The following HRC variants were observed in gnomAD, a reference collection of about 807,000 sequenced individuals.
HRC encodes histidine rich calcium binding protein.
In HRC, 41 loss-of-function variants were observed where a neutral mutation model predicts 61.4. The observed-to-expected ratio is 0.67, with a 90% confidence interval of 0.52 to 0.87. The LOEUF (loss-of-function observed/expected upper bound fraction) is 0.87. Ranked by LOEUF, HRC falls within the 40% of genes least tolerant of loss-of-function variation. The pLI, the probability that HRC is intolerant of heterozygous loss-of-function variation, is 0.00. For missense variants in HRC, 839 were observed against 885.8 expected (o/e 0.95, Z 0.67); for synonymous variants, 308 against 326.6 (o/e 0.94, Z 0.62).
Position 49,155,099 on chromosome 19 carries a change from C to A in HRC, c.139G>T (p.Ala47Ser). ...GCTGATGCCTCCTCGGAGAGCCCGGCGACTCCAGTGCTGTTGTTCCGGTTT... is the reference window on the plus strand; with the variant it reads ...GCTGATGCCTCCTCGGAGAGCCCGGAGACTCCAGTGCTGTTGTTCCGGTTT... Reference protein sequence around the residue: ...FRNRNNSTGVAGLSEEASAEL... With the variant: ...FRNRNNSTGVSGLSEEASAEL... The change falls in exon 1 of 6, where the codon GCC becomes TCC. Residue 47 changes from alanine to serine, a missense_variant. Physicochemically the swap from Ala to Ser is moderately conservative, Grantham distance 99. Coordinates refer to ENST00000252825, the MANE Select transcript of HRC (RefSeq NM_002152.3). This position sits in a 1 kb window ranked among gnomAD's most constrained non-coding sequence, Gnocchi z 4.7. The A allele has an allele frequency of 6.2e-7, 1 of 1,614,140 alleles. No homozygotes were observed. The highest frequency in any genetic ancestry group is 8.5e-7 in the Non-Finnish European group (1 of 1,180,030).
intron 4 of HRC, 55 bp from the exon 5 acceptor site, chr19:49,151,608 C>T (rs1478569366): frequency 4.0e-6 from 6 of 1,506,282 alleles, no homozygotes; most frequent in African/African-American, 1.4e-5. Context: ...CAAAATTAGG[C>T]AGCCACTCAG....
rs746180918 is a variant in HRC, at chr19:49,155,010, T to C, written c.228A>G (p.Thr76=). Reference sequence around the variant, plus strand: ...GGCTCCAGAAATGATGCCCATTCTCTGTGGAAACATCCTTGTTCTCATCTG... The same window carrying C: ...GGCTCCAGAAATGATGCCCATTCTCCGTGGAAACATCCTTGTTCTCATCTG... ...DHPDENKDVS[T]ENGHHFWSHP... is the part of the protein sequence containing the mutation. The change falls in exon 1 of 6, where the codon ACA becomes ACG. Residue 76 remains threonine, a synonymous_variant. Transcript: ENST00000252825. This position sits in a 1 kb window ranked among gnomAD's most constrained non-coding sequence, Gnocchi z 4.7. The C allele has an allele frequency of 6.2e-7, 1 of 1,614,256 alleles. No individual in the cohort carries two copies. The highest frequency in any genetic ancestry group is 1.1e-5 in the South Asian group (1 of 91,090).
chr19:49,152,122 G>A, intron 3 of HRC, 64 bp from the exon 4 acceptor site: 2 of 1,474,812 alleles, frequency 1.4e-6, no homozygotes, highest in East Asian at 4.5e-5. Flanking sequence ...GTTAGGATGG[G>A]GCCGGGACCA....
Position 49,151,221 on chromosome 19 carries a change from A to G in HRC, c.*75T>C. The G allele has an allele frequency of 7.8e-7, 1 of 1,276,350 alleles. No homozygotes were observed. Among genetic ancestry groups the G allele is most frequent in the Non-Finnish European group, 1.1e-6 (1 of 925,580 alleles). The allele number at this position is 1,276,350 out of a possible 1,614,324, so 79.1% of individuals were successfully genotyped here. On this transcript the variant is annotated 3_prime_UTR_variant, in exon 6 of 6. Coordinates refer to ENST00000252825, the MANE Select transcript of HRC (RefSeq NM_002152.3). ...GGTTTCGGGGAGCACGTTTATTCGGAGAAATAAATATAGCTCGTGGAAAGG... is the reference window on the plus strand; with the variant it reads ...GGTTTCGGGGAGCACGTTTATTCGGGGAAATAAATATAGCTCGTGGAAAGG...
At chr19:49,151,676 C>G in intron 4 of HRC, 123 bp from the exon 5 acceptor site, 1 of 874,314 alleles carries the variant, frequency 1.1e-6, no homozygotes, top group Non-Finnish European at 1.8e-6. Context: ...CTTCTTCCAA[C>G]TGAATCCCTT....
At position 49,153,221 on chromosome 19, in the gene HRC, T is replaced by C. The variant is rs760341565; in HGVS notation, c.1902+40A>G. 1.1e-5 allele frequency: 17 copies of C among 1,527,860 alleles called. No homozygotes were observed. The Admixed American group carries it at 2.0e-4, about 18-fold the overall frequency. 94.6% of individuals were successfully genotyped at this position (1,527,860 alleles called of 1,614,324 possible). On this transcript the variant is annotated intron_variant, in intron 2 of 5. Coordinates refer to ENST00000252825, the MANE Select transcript of HRC (RefSeq NM_002152.3). The surrounding 1 kb of genome is among the most constrained non-coding windows in gnomAD (Gnocchi z 4.8). ...ACCCCAGGGCCCCTGGGACAGATTC[T>C]GGGGACACCTTGGTGGGTGGATCTG...
rs550534373 is a variant in HRC at position 49,155,042 on chromosome 19, C to T, written c.196G>A (p.Asp66Asn). ...ELRHHLHSPR[D>N]HPDENKDVST... ...ACATCCTTGTTCTCATCTGGATGGT[C>T]TCTAGGGCTGTGGAGGTGGTGGCGA... is the stretch of plus-strand genomic sequence containing the variant. The change falls in exon 1 of 6, where the codon GAC (aspartate) becomes AAC (asparagine). Residue 66 changes from aspartate (D) to asparagine (N), a missense_variant. Transcript: ENST00000252825. The surrounding 1 kb of genome is among the most constrained non-coding windows in gnomAD (Gnocchi z 4.7). 1.6e-4 allele frequency: 254 copies of T among 1,614,192 alleles called. 2 individuals are homozygous for T. Among genetic ancestry groups the T allele is most frequent in the South Asian group, 8.7e-4 (79 of 91,084 alleles).
At chr19:49,152,853 G>A (rs925415052) in intron 2 of HRC, among the ~76,000 whole-genome samples, 8 of 151,580 alleles carry the variant, frequency 5.3e-5, no homozygotes, top group African/African-American at 1.9e-4. Flanking sequence ...TTACAGGCGT[G>A]AGCCACCACA....
chr19:49,155,210 C>A lies in HRC; in HGVS notation c.28G>T (p.Ala10Ser). 1 of 1,610,034 alleles carries A rather than the reference C, an allele frequency of 6.2e-7. No individual in the cohort carries two copies. The highest frequency in any genetic ancestry group is 1.7e-4 in the Middle Eastern group (1 of 5,752). Residue 10 changes from alanine to serine, a missense_variant, in exon 1 of 6, where the codon GCT becomes TCT. By Grantham distance (99) the Ala-to-Ser change is moderately conservative (BLOSUM62 1). Coordinates refer to ENST00000252825, the MANE Select transcript of HRC (RefSeq NM_002152.3). This position sits in a 1 kb window ranked among gnomAD's most constrained non-coding sequence, Gnocchi z 4.7. ...GCCACCCCAGCCCAGAGGACAGAAG[C>A]GTGCAGCCATGGCCTATGGTGGCCC... is the stretch of plus-strand genomic sequence containing the variant. The part of the protein sequence containing the change: MGHHRPWLH[A>S]SVLWAGVASL...
intron 2 of HRC, 24 bp from the exon 3 acceptor site, chr19:49,152,402 A>G (rs1309082814): frequency 6.2e-7 from 1 of 1,608,364 alleles, no homozygotes; most frequent in Non-Finnish European, 8.5e-7. Context: ...GAGCCTGGTT[A>G]GATGGAAACT....
In HRC at chr19:49,155,300, C is replaced by T; in HGVS notation, c.-63G>A. 1 of 1,505,598 alleles carries T rather than the reference C, an allele frequency of 6.6e-7. No individual in the cohort carries two copies. 93.3% of individuals were successfully genotyped at this position (1,505,598 alleles called of 1,614,324 possible). On this transcript the variant is annotated 5_prime_UTR_variant, in exon 1 of 6. Transcript: ENST00000252825. This position sits in a 1 kb window ranked among gnomAD's most constrained non-coding sequence, Gnocchi z 4.7. Reference sequence around the variant, plus strand: ...CGGCAATGTGGACAAACGTTGGGGTCTTTGTCCCTTTGGGGTTGGTCTCTT... The same window carrying T: ...CGGCAATGTGGACAAACGTTGGGGTTTTTGTCCCTTTGGGGTTGGTCTCTT...
rs2041376972 is a variant in HRC at position 49,153,020 on chromosome 19, C to T, written c.1902+241G>A. Among the ~76,000 whole-genome samples the T allele has an allele frequency of 6.6e-6, 1 of 152,092 alleles. No homozygotes were observed. The highest frequency in any genetic ancestry group is 1.9e-4 in the East Asian group (1 of 5,186). On this transcript the variant is annotated intron_variant, in intron 2 of 5. Coordinates refer to ENST00000252825, the MANE Select transcript of HRC (RefSeq NM_002152.3). The surrounding 1 kb of genome is among the most constrained non-coding windows in gnomAD (Gnocchi z 4.8). ...TCCCCCGACTCTCTTTGCCACAGAC[C>T]CCTGTCTCTGTCCCCACACCCCAAG...
At chr19:49,152,432 A>G (rs1173899328) in intron 2 of HRC, 54 bp from the exon 3 acceptor site, 2 of 1,493,448 alleles carry the variant, frequency 1.3e-6, no homozygotes, top group Non-Finnish European at 1.8e-6. Context: ...CTTGGGAGGT[A>G]CCCGCCCCTG....
At chr19:49,152,449 C>T in intron 2 of HRC, 71 bp from the exon 3 acceptor site, 2 of 1,274,102 alleles carry the variant, frequency 1.6e-6, no homozygotes, top group Non-Finnish European at 2.2e-6. Flanking sequence ...CCTGGCCCAC[C>T]CCTGCACCCT....
chr19:49,153,817 C>T lies in HRC; in HGVS notation c.1421G>A (p.Arg474Lys). Residue 474 changes from arginine to lysine, a missense_variant, in exon 1 of 6, where the codon AGA (arginine) becomes AAA (lysine). Transcript: ENST00000252825. This position sits in a 1 kb window ranked among gnomAD's most constrained non-coding sequence, Gnocchi z 4.8. Reference sequence around the variant, plus strand: ...AGAATCATCCTTCCTCAAATGGCTTCTATCCTTGACCACTGTGTGTCCTGG... The same window carrying T: ...AGAATCATCCTTCCTCAAATGGCTTTTATCCTTGACCACTGTGTGTCCTGG... ...HPPGHTVVKD[R>K]SHLRKDDSEE... 1 of 1,614,142 alleles carries T rather than the reference C, an allele frequency of 6.2e-7. No individual in the cohort carries two copies. Among genetic ancestry groups the T allele is most frequent in the Non-Finnish European group, 8.5e-7 (1 of 1,180,020 alleles).
At position 49,153,043 on chromosome 19, in the gene HRC, A is replaced by C. The variant is rs553642899; in HGVS notation, c.1902+218T>G. 6.6e-6 allele frequency among the ~76,000 whole-genome samples: 1 copy of C among 151,684 alleles called. No individual in the cohort carries two copies. The highest frequency in any genetic ancestry group is 2.4e-5 in the African/African-American group (1 of 41,340). Reference sequence around the variant, plus strand: ...ACCCCTGTCTCTGTCCCCACACCCCAAGATGCAGCTTGGGTCTTGTCCTCT... The same window carrying C: ...ACCCCTGTCTCTGTCCCCACACCCCCAGATGCAGCTTGGGTCTTGTCCTCT... On this transcript the variant is annotated intron_variant, in intron 2 of 5. Coordinates refer to ENST00000252825, the MANE Select transcript of HRC (RefSeq NM_002152.3). The surrounding 1 kb of genome is among the most constrained non-coding windows in gnomAD (Gnocchi z 4.8).
intron 2 of HRC, 65 bp from the exon 3 acceptor site, chr19:49,152,443 G>C: frequency 7.4e-7 from 1 of 1,345,022 alleles, no homozygotes; most frequent in East Asian, 2.3e-5. Context: ...CCCGCCCCTG[G>C]CCCACCCCTG....
chr19:49,154,867 A>G lies in HRC; in HGVS notation c.371T>C (p.Phe124Ser). 1 of 1,613,964 alleles carries G rather than the reference A, an allele frequency of 6.2e-7. No homozygotes were observed. Among genetic ancestry groups the G allele is most frequent in the Non-Finnish European group, 8.5e-7 (1 of 1,179,968 alleles). The change falls in exon 1 of 6, where the codon TTT becomes TCT. Residue 124 changes from phenylalanine to serine, a missense_variant. Transcript: ENST00000252825. ...ACGGGCCTGCCCACCATGCTCTGCA[A>G]AGACCTCCTCACCTGAGACACCCTC... ...GDEGVSGEEV[F>S]AEHGGQARGH...
rs750562015 is a variant in HRC at position 49,154,269 on chromosome 19, GTCT to G, written c.966_968del (p.Gln322_Asp323delinsHis). 5 of 1,580,066 alleles carry G rather than the reference GTCT, an allele frequency of 3.2e-6. No individual in the cohort carries two copies. In the African/African-American group the frequency reaches 9.4e-5, roughly 30 times the overall value. ...CAGCCTCAACCTCTTCCTTTCTGTGGTCTTGGTGCCTGTGGGCCTGGTGTCCAT... is the reference window on the plus strand; with the variant it reads ...CAGCCTCAACCTCTTCCTTTCTGTGGTGGTGCCTGTGGGCCTGGTGTCCAT... On this transcript the variant is annotated inframe_deletion, in exon 1 of 6. Transcript: ENST00000252825.
Sources: allele counts gnomAD v4.1 joint callset (sites outside exome capture counted in the v4.1 genomes callset), GRCh38; gene constraint gnomAD v4.1.1; non-coding constraint Gnocchi (gnomAD v3.1); transcripts MANE v1.5; gene names NCBI Gene and HGNC (gene_info 2026-07-23, HGNC 2026-07-21).